The following GALNT13 variants were observed in gnomAD, a reference collection of about 807,000 sequenced individuals.
GALNT13 encodes the protein UDP-GalNAc:polypeptide N-acetylgalactosaminyltransferase 13.
A neutral mutation model predicts 64.2 loss-of-function variants in GALNT13; 28 were observed. The ratio of observed to expected loss-of-function variants is 0.44; its 90% confidence interval spans 0.32 to 0.60. The LOEUF (loss-of-function observed/expected upper bound fraction) is 0.60, where lower values mean the gene tolerates loss of function less well. Ranked by LOEUF, GALNT13 falls within the 20% of genes least tolerant of loss-of-function variation. The pLI, the probability that GALNT13 is intolerant of heterozygous loss-of-function variation, is 0.05. For missense variants in GALNT13, 577 were observed against 669.8 expected (o/e 0.86, Z 1.53); for synonymous variants, 214 against 224.6 (o/e 0.95, Z 0.42).
the GALNT13 span, among the ~76,000 whole-genome samples, chr2:153,302,721 GA>G: frequency 6.6e-6 from 1 of 152,080 alleles, no homozygotes; most frequent in African/African-American, 2.4e-5. Context: ...ATTTTGAGTT[GA>G]TTTTTTTGTA....
intron 4 of GALNT13, among the ~76,000 whole-genome samples, chr2:154,158,943 A>G (rs1212756470): frequency 1.3e-5 from 2 of 151,978 alleles, no homozygotes; most frequent in Non-Finnish European, 2.9e-5. Context: ...CCAACCCGTG[A>G]CACTTTCTAC....
the GALNT13 span, chr2:153,423,612 G>A: frequency 6.6e-6 from 1 of 151,716 alleles, no homozygotes; most frequent in Non-Finnish European, 1.5e-5. Context: ...ACAGAGAATG[G>A]TTATTTAAAA....
chr2:153,917,082 A>C (rs1689406267), intron 2 of GALNT13, among the ~76,000 whole-genome samples: 1 of 151,896 alleles, frequency 6.6e-6, no homozygotes, highest in Admixed American at 6.6e-5. Flanking sequence ...TGATGAGATG[A>C]CCTCTACCAC....
the GALNT13 span, among the ~76,000 whole-genome samples, chr2:153,503,704 G>T: frequency 1.3e-5 from 2 of 152,258 alleles, no homozygotes; most frequent in African/African-American, 4.8e-5. Flanking sequence ...GCCTCCCAAA[G>T]TGCTAGGATT....
At chr2:153,254,958 G>A in the GALNT13 span, among the ~76,000 whole-genome samples, 1 of 152,144 alleles carries the variant, frequency 6.6e-6, no homozygotes. Context: ...GATTTTGGGT[G>A]GAGAGTTCTG....
chr2:154,168,693 A>AAG (rs1685177902), intron 4 of GALNT13, among the ~76,000 whole-genome samples: 6 of 148,918 alleles, frequency 4.0e-5, no homozygotes, highest in Non-Finnish European at 8.9e-5. Flanking sequence ...AAAAAAAAAA[A>AAG]GTAGCCAAGC....
intron 7 of GALNT13, among the ~76,000 whole-genome samples, chr2:154,248,693 A>G (rs1028272434): frequency 1.3e-5 from 2 of 152,166 alleles, no homozygotes; most frequent in African/African-American, 2.4e-5. Flanking sequence ...ACAATGGACC[A>G]GGATTCTTAC....
At chr2:153,315,663 A>T in the GALNT13 span, among the ~76,000 whole-genome samples, 1 of 152,246 alleles carries the variant, frequency 6.6e-6, no homozygotes, top group Non-Finnish European at 1.5e-5. Flanking sequence ...AGTCTAGAGA[A>T]CATGAACAAT....
upstream of GALNT13, among the ~76,000 whole-genome samples, chr2:153,870,189 C>G (rs36050717): frequency 0.1 from 15,719 of 152,018 alleles, 1,014 homozygotes; most frequent in African/African-American, 0.17. Context: ...GTGTGTTATG[C>G]ACCAAAAGCC....
At chr2:154,002,455 G>C (rs1019660276) in intron 3 of GALNT13, among the ~76,000 whole-genome samples, 5 of 151,708 alleles carry the variant, frequency 3.3e-5, no homozygotes, top group African/African-American at 9.6e-5. Context: ...AAGATTTCTG[G>C]TGAGGTTTTT....
chr2:153,596,932 T>C, the GALNT13 span, among the ~76,000 whole-genome samples: 1 of 151,918 alleles, frequency 6.6e-6, no homozygotes, highest in Non-Finnish European at 1.5e-5. Context: ...AAAAAACAAA[T>C]TGGGGTACAA....
At chr2:153,670,384 C>T in the GALNT13 span, among the ~76,000 whole-genome samples, 1 of 152,186 alleles carries the variant, frequency 6.6e-6, no homozygotes. Context: ...TCTGCAGCCT[C>T]CGCTGGTGAT....
chr2:153,972,747 TAG>T (rs1321529577), intron 3 of GALNT13, among the ~76,000 whole-genome samples: 1 of 151,966 alleles, frequency 6.6e-6, no homozygotes, highest in Non-Finnish European at 1.5e-5. Flanking sequence ...TCACCTAACA[TAG>T]AGTTATATGC....
rs535912986 is a variant in GALNT13, at chr2:154,261,109, CA to C, written c.975+1972del. On this transcript the variant is annotated intron_variant, in intron 8 of 12. Coordinates refer to ENST00000392825, the MANE Select transcript of GALNT13 (RefSeq NM_052917.4). ...AGGAGGACCTGATCAGGAAATGTAA[CA>C]GAGGTATAAATGTATAAAAAGGAAG... 1.3e-4 allele frequency among the ~76,000 whole-genome samples: 20 copies of C among 152,078 alleles called. No individual in the cohort carries two copies. In the South Asian group the frequency reaches 4.2e-3, roughly 32 times the overall value.
chr2:153,639,928 C>T, the GALNT13 span, among the ~76,000 whole-genome samples: 3 of 152,074 alleles, frequency 2.0e-5, no homozygotes, highest in African/African-American at 4.8e-5. Flanking sequence ...TGGAAATTCT[C>T]GGCTTCCTGT....
chr2:153,794,894 TGTG>T, the GALNT13 span, among the ~76,000 whole-genome samples: 7 of 152,186 alleles, frequency 4.6e-5, no homozygotes, highest in Admixed American at 3.9e-4. Context: ...CAATGATAAA[TGTG>T]GTTAGAAGAA....
chr2:153,229,997 A>G, the GALNT13 span, among the ~76,000 whole-genome samples: 1 of 152,186 alleles, frequency 6.6e-6, no homozygotes, highest in Non-Finnish European at 1.5e-5. Context: ...GGTTATTAGA[A>G]AGCTTTGGAT....
At chr2:154,029,453 A>G (rs1698201823) in intron 3 of GALNT13, among the ~76,000 whole-genome samples, 1 of 152,140 alleles carries the variant, frequency 6.6e-6, no homozygotes, top group African/African-American at 2.4e-5. Context: ...CCCATCCTCA[A>G]CACAAGAGAA....
chr2:153,414,821 T>C, the GALNT13 span, among the ~76,000 whole-genome samples: 1 of 152,164 alleles, frequency 6.6e-6, no homozygotes, highest in Non-Finnish European at 1.5e-5. Context: ...GTTTGTACCA[T>C]TGAAAGGTTA....
Sources: gnomAD v4.1 joint callset for allele counts (sites outside exome capture counted in the v4.1 genomes callset) on GRCh38, gnomAD v4.1.1 for gene constraint, MANE v1.5 for transcripts, NCBI Gene and HGNC (gene_info 2026-07-23, HGNC 2026-07-21) for gene names.